The following SYT1 variants were observed in gnomAD, a reference collection of about 807,000 sequenced individuals.
SYT1 encodes synaptotagmin-1.
In SYT1, 8 loss-of-function variants were observed where a neutral mutation model predicts 44.8. The observed-to-expected ratio is 0.18, with a 90% CI of 0.10 to 0.32. SYT1 has a LOEUF of 0.32. Ranked by LOEUF, SYT1 falls within the 10% of genes least tolerant of loss-of-function variation. The probability of loss-of-function intolerance (pLI) is 1.00; values close to 1 mark genes in which losing one functional copy is unlikely to be tolerated. For synonymous variants in SYT1, 154 were observed against 188.8 expected (o/e 0.82, Z 1.51); for missense variants, 286 against 509.3 (o/e 0.56, Z 4.22).
At chr12:78,896,775 A>G (rs1875382048) in intron 1 of SYT1, among the ~76,000 whole-genome samples, 1 of 151,866 alleles carries the variant, frequency 6.6e-6, no homozygotes, top group Non-Finnish European at 1.5e-5. Context: ...GTGAAAAGAA[A>G]ATATCTGAAT....
intron 3 of SYT1, among the ~76,000 whole-genome samples, chr12:79,171,188 T>C (rs775550811): frequency 2.0e-5 from 3 of 152,052 alleles, no homozygotes; most frequent in Non-Finnish European, 2.9e-5. Flanking sequence ...TTTATTTGGT[T>C]CCACATGAAT....
intron 4 of SYT1, among the ~76,000 whole-genome samples, chr12:79,285,164 A>G (rs1325684210): frequency 6.6e-6 from 1 of 152,212 alleles, no homozygotes; most frequent in Non-Finnish European, 1.5e-5. Context: ...AGTACTTTTA[A>G]TTAACCTTCA....
chr12:79,434,675 A>G (rs986444776), intron 9 of SYT1, among the ~76,000 whole-genome samples: 1 of 152,210 alleles, frequency 6.6e-6, no homozygotes, highest in Non-Finnish European at 1.5e-5. Flanking sequence ...CCACTTATAC[A>G]AGTGCCTGAT....
intron 3 of SYT1, among the ~76,000 whole-genome samples, chr12:79,157,618 T>C (rs1240760215): frequency 1.3e-5 from 2 of 152,164 alleles, no homozygotes; most frequent in African/African-American, 2.4e-5. Flanking sequence ...TATGGAGTAT[T>C]GGACAAATGT....
At chr12:79,429,006 A>T (rs1180314775) in intron 9 of SYT1, among the ~76,000 whole-genome samples, 1 of 152,076 alleles carries the variant, frequency 6.6e-6, no homozygotes, top group Non-Finnish European at 1.5e-5. Flanking sequence ...TTTAAAACTC[A>T]AATTTCTTGG....
intron 3 of SYT1, among the ~76,000 whole-genome samples, chr12:79,103,361 A>G (rs960711839): frequency 1.3e-5 from 2 of 152,162 alleles, no homozygotes; most frequent in African/African-American, 4.8e-5. Context: ...AGGAATGAAA[A>G]TAGTGAACCA....
chr12:79,111,921 A>G (rs902920161), intron 3 of SYT1, among the ~76,000 whole-genome samples: 2 of 152,086 alleles, frequency 1.3e-5, no homozygotes, highest in Non-Finnish European at 2.9e-5. Context: ...AAATTTTTTA[A>G]CTTTTCATTT....
chr12:79,350,315 C>G (rs1284068476), intron 8 of SYT1, among the ~76,000 whole-genome samples: 4 of 145,464 alleles, frequency 2.7e-5, no homozygotes, highest in Non-Finnish European at 4.5e-5. Context: ...TGCAGTGGCG[C>G]GATCTCGGCT....
At chr12:79,421,154 G>C (rs1033104003) in intron 9 of SYT1, among the ~76,000 whole-genome samples, 3 of 152,028 alleles carry the variant, frequency 2.0e-5, no homozygotes, top group African/African-American at 7.2e-5. Context: ...AGATCGTATT[G>C]CTTTAAAATA....
At chr12:79,019,058 CAA>C (rs1872003441) in intron 2 of SYT1, among the ~76,000 whole-genome samples, 1 of 151,908 alleles carries the variant, frequency 6.6e-6, no homozygotes, top group Non-Finnish European at 1.5e-5. Context: ...TAAGGGTTGC[CAA>C]ACCTCAATTT....
intron 3 of SYT1, among the ~76,000 whole-genome samples, chr12:79,193,387 G>A (rs528263444): frequency 5.3e-5 from 8 of 152,162 alleles, no homozygotes; most frequent in Non-Finnish European, 8.8e-5. Context: ...GATTAGGATA[G>A]TAAATAATTA....
At chr12:79,258,763 C>A (rs1012582501) in intron 4 of SYT1, among the ~76,000 whole-genome samples, 1 of 152,134 alleles carries the variant, frequency 6.6e-6, no homozygotes, top group African/African-American at 2.4e-5. Context: ...TCATATGTGG[C>A]CTTAGTAGTA....
At chr12:79,423,114 T>G (rs1869218883) in intron 9 of SYT1, among the ~76,000 whole-genome samples, 1 of 152,122 alleles carries the variant, frequency 6.6e-6, no homozygotes, top group Non-Finnish European at 1.5e-5. Flanking sequence ...GAGTTCAGGG[T>G]TAGAAGCTAC....
At chr12:79,067,593 T>G in intron 3 of SYT1, among the ~76,000 whole-genome samples, 1 of 152,198 alleles carries the variant, frequency 6.6e-6, no homozygotes, top group East Asian at 1.9e-4. Context: ...TTACATTAAC[T>G]TTGAAACAAG....
intron 1 of SYT1, among the ~76,000 whole-genome samples, chr12:78,933,952 AT>A (rs1877894971): frequency 6.6e-6 from 1 of 152,138 alleles, no homozygotes; most frequent in Non-Finnish European, 1.5e-5. Context: ...GAAATTGAGT[AT>A]AATGTTCTGT....
chr12:78,935,717 A>G (rs188031231), intron 1 of SYT1, among the ~76,000 whole-genome samples: 1 of 152,304 alleles, frequency 6.6e-6, no homozygotes, highest in East Asian at 1.9e-4. Context: ...CCATTTGCCA[A>G]TGAAAGGCTC....
chr12:79,009,617 C>T (rs1021337052), intron 2 of SYT1, among the ~76,000 whole-genome samples: 2 of 152,118 alleles, frequency 1.3e-5, no homozygotes, highest in Non-Finnish European at 2.9e-5. Context: ...CTGATAAAGA[C>T]TGAGGCTTAG....
chr12:79,097,115 T>C lies in SYT1; in HGVS notation c.-18+49753T>C, dbSNP rs533266109. On this transcript the variant is annotated intron_variant, in intron 3 of 10. Transcript: ENST00000261205. ...CATGTAAGGGGGCTTCGATTTCAGC[T>C]ACTTACATACTTGGGAATCTTTACA... Among the ~76,000 whole-genome samples, 3 of 152,124 alleles carry C rather than the reference T, an allele frequency of 2.0e-5. No individual in the cohort carries two copies. In the East Asian group the frequency reaches 5.8e-4, roughly 29 times the overall value.
At chr12:78,915,741 T>C (rs1477888054) in intron 1 of SYT1, among the ~76,000 whole-genome samples, 1 of 152,038 alleles carries the variant, frequency 6.6e-6, no homozygotes, top group Non-Finnish European at 1.5e-5. Context: ...TTTTAAAATT[T>C]TATGTCCTTT....
Sources: allele counts gnomAD v4.1 joint callset (sites outside exome capture counted in the v4.1 genomes callset), GRCh38; gene constraint gnomAD v4.1.1; transcripts MANE v1.5; gene names NCBI Gene and HGNC (gene_info 2026-07-23, HGNC 2026-07-21).